MYO5B: variants seen among roughly 807,000 people sequenced by gnomAD.
The protein encoded by MYO5B is unconventional myosin-Vb.
In MYO5B, 143 loss-of-function variants were observed where a neutral mutation model predicts 229.3. That is an observed-to-expected ratio of 0.62 (90% CI 0.54 to 0.72). The LOEUF (loss-of-function observed/expected upper bound fraction) is 0.72, where lower values mean the gene tolerates loss of function less well. MYO5B is among the 30% of genes least tolerant of loss of function. MYO5B has a pLI of 0.00. For missense variants in MYO5B, 2,321 were observed against 2,331.0 expected, an observed-to-expected ratio of 1.00 and a Z score of 0.09; for synonymous variants, 918 against 885.2, an observed-to-expected ratio of 1.04 and a Z score of -0.66.
At chr18:49,836,038 A>T (rs506696) in intron 38 of MYO5B, among the ~76,000 whole-genome samples, 1 of 151,946 alleles carries the variant, frequency 6.6e-6, no homozygotes, top group Admixed American at 6.5e-5. Context: ...TTAAAGAGTT[A>T]GATATTTAAT....
chr18:49,963,420 ATTTATTTATTT>A (rs2025585800), intron 10 of MYO5B, among the ~76,000 whole-genome samples: 1 of 151,170 alleles, frequency 6.6e-6, no homozygotes, highest in African/African-American at 2.4e-5. Flanking sequence ...TAATTAATTT[ATTTATTTATTT>A]ATTTATTTTG....
intron 1 of MYO5B, among the ~76,000 whole-genome samples, chr18:50,134,511 C>G (rs555294526): frequency 2.0e-5 from 3 of 151,432 alleles, no homozygotes; most frequent in Admixed American, 1.3e-4. Context: ...GCCGAGATCG[C>G]GCCATTGCAC....
At chr18:49,912,835 T>C (rs955467944) in intron 17 of MYO5B, among the ~76,000 whole-genome samples, 4 of 152,250 alleles carry the variant, frequency 2.6e-5, no homozygotes, top group Non-Finnish European at 5.9e-5. Flanking sequence ...CATGCAGTGC[T>C]CCACTCCTCA....
intron 39 of MYO5B, among the ~76,000 whole-genome samples, chr18:49,830,198 C>T (rs561400186): frequency 6.0e-5 from 9 of 149,052 alleles, no homozygotes; most frequent in East Asian, 2.0e-4. Context: ...ATGAATTCAG[C>T]GAAGTACATA....
intron 1 of MYO5B, among the ~76,000 whole-genome samples, chr18:50,133,591 T>C (rs1045834463): frequency 2.3e-4 from 35 of 152,138 alleles, no homozygotes; most frequent in African/African-American, 8.5e-4. Flanking sequence ...CCTCCGTCCG[T>C]CCGTCTGTCT....
At chr18:49,865,096 G>C (rs2024380979) in intron 27 of MYO5B, among the ~76,000 whole-genome samples, 1 of 152,212 alleles carries the variant, frequency 6.6e-6, no homozygotes, top group South Asian at 2.1e-4. Context: ...GGATACATGA[G>C]ATTCAAAATT....
Position 49,877,819 on chromosome 18 carries a change from G to A in MYO5B, c.3340C>T (p.Pro1114Ser). ...CCGATCTCAGATGTGGAGATGGAGG[G>A]GTAATTGGAGTCAGATTCTAAGCTA... Reference protein sequence around the residue: ...QSSLESDSNYPSISTSEIGDT... With the variant: ...QSSLESDSNYSSISTSEIGDT... The change falls in exon 25 of 40, where the codon CCC becomes TCC. Residue 1114 changes from proline to serine, a missense_variant. Physicochemically the swap from Pro to Ser is moderately conservative, Grantham distance 74. This residue lies in a region of MYO5B where 2,113 missense variants were observed against 2,044.7 expected (regional missense o/e 1.03). Coordinates refer to ENST00000285039, the MANE Select transcript of MYO5B (RefSeq NM_001080467.3). 1 of 1,614,004 alleles carries A rather than the reference G, an allele frequency of 6.2e-7. No homozygotes were observed. The highest frequency in any genetic ancestry group is 8.5e-7 in the Non-Finnish European group (1 of 1,179,958).
chr18:49,870,722 G>C (rs1282914632), intron 27 of MYO5B, among the ~76,000 whole-genome samples: 2 of 151,968 alleles, frequency 1.3e-5, no homozygotes, highest in Non-Finnish European at 2.9e-5. Context: ...ACTACAATGA[G>C]ATATCACCTT....
rs145284168 is a variant in MYO5B, at chr18:49,866,040, A to C, written c.3604-1660T>G. On this transcript the variant is annotated intron_variant, in intron 27 of 39. Coordinates refer to ENST00000285039, the MANE Select transcript of MYO5B (RefSeq NM_001080467.3). ...AGAATATGCATGCTTTATTGTGGTA[A>C]AAAATATAAAACACAAAATTAGCCA... Among the ~76,000 whole-genome samples the C allele has an allele frequency of 2.0e-3, 308 of 152,258 alleles. 1 individual carries two copies. Among genetic ancestry groups the C allele is most frequent in the Non-Finnish European group, 4.0e-3 (270 of 68,012 alleles).
intron 34 of MYO5B, among the ~76,000 whole-genome samples, chr18:49,841,976 G>C (rs1239475327): frequency 6.6e-6 from 1 of 151,992 alleles, no homozygotes; most frequent in Non-Finnish European, 1.5e-5. Context: ...AGCCTGCTCA[G>C]CAACCCAAAC....
chr18:50,013,605 T>G (rs889789708), intron 4 of MYO5B, among the ~76,000 whole-genome samples: 3 of 152,180 alleles, frequency 2.0e-5, no homozygotes, highest in African/African-American at 7.2e-5. Flanking sequence ...ATTACTCACC[T>G]CCCTGCCCTC....
intron 1 of MYO5B, among the ~76,000 whole-genome samples, chr18:50,169,987 T>C (rs4606830): frequency 0.19 from 23,596 of 126,328 alleles, 7,055 homozygotes; most frequent in South Asian, 0.35. Context: ...TCTTTGATTG[T>C]CGATGTCATG....
At chr18:49,941,224 G>C (rs914035938) in intron 14 of MYO5B, among the ~76,000 whole-genome samples, 9 of 152,140 alleles carry the variant, frequency 5.9e-5, no homozygotes, top group Non-Finnish European at 1.0e-4. Flanking sequence ...AGAGTGACTT[G>C]CATGCAAATA....
chr18:50,055,235 A>AT, intron 2 of MYO5B, 33 bp downstream of exon 2: 1 of 353,292 alleles, frequency 2.8e-6, no homozygotes, highest in Non-Finnish European at 5.7e-6. Flanking sequence ...GCCCCACCTC[A>AT]CCCCCGCCCC....
At chr18:49,980,648 G>T in intron 8 of MYO5B, 95 bp from the exon 9 acceptor site, 1 of 903,636 alleles carries the variant, frequency 1.1e-6, no homozygotes, top group Non-Finnish European at 1.8e-6. Context: ...TTTTAATAAG[G>T]TTTGATTTTT....
intron 5 of MYO5B, 77 bp downstream of exon 5, chr18:50,001,178 A>G: frequency 6.3e-7 from 1 of 1,591,612 alleles, no homozygotes; most frequent in Non-Finnish European, 8.6e-7. Context: ...GCTGCCACCC[A>G]GGCTTGACGC....
intron 1 of MYO5B, among the ~76,000 whole-genome samples, chr18:50,085,316 A>G (rs1423697644): frequency 1.3e-5 from 2 of 152,104 alleles, no homozygotes; most frequent in Admixed American, 6.6e-5. Context: ...ATGAAAAAAT[A>G]CTCATCATCA....
chr18:50,013,379 A>G (rs1312118205), intron 4 of MYO5B, among the ~76,000 whole-genome samples: 1 of 152,202 alleles, frequency 6.6e-6, no homozygotes, highest in Non-Finnish European at 1.5e-5. Flanking sequence ...CTTCTGAGGC[A>G]TCCCTCCCAA....
intron 39 of MYO5B, among the ~76,000 whole-genome samples, chr18:49,831,236 CAA>C (rs2023916722): frequency 6.6e-6 from 1 of 152,108 alleles, no homozygotes; most frequent in Admixed American, 6.5e-5. Context: ...AAAATGACAT[CAA>C]GAGCATAGGA....
Sources: gnomAD v4.1 joint callset for allele counts (sites outside exome capture counted in the v4.1 genomes callset) on GRCh38, gnomAD v4.1.1 for gene constraint, gnomAD v4.1.1 regional missense constraint, MANE v1.5 for transcripts, NCBI Gene and HGNC (gene_info 2026-07-23, HGNC 2026-07-21) for gene names.